CERS3: variants seen among roughly 807,000 people sequenced by gnomAD.
CERS3 encodes the protein ceramide synthase 3, also known as LAG1 homolog, ceramide synthase 3.
In CERS3, 33 loss-of-function variants were observed where a neutral mutation model predicts 50.3. The ratio of observed to expected loss-of-function variants is 0.66; its 90% CI spans 0.50 to 0.88. The LOEUF (loss-of-function observed/expected upper bound fraction) is 0.88, where lower values mean the gene tolerates loss of function less well. Ranked by LOEUF, CERS3 falls within the 40% of genes least tolerant of loss-of-function variation. The probability of loss-of-function intolerance (pLI) is 0.00; values close to 1 mark genes in which losing one functional copy is unlikely to be tolerated. For missense variants in CERS3, 470 were observed against 460.3 expected (o/e 1.02, Z -0.19); for synonymous variants, 176 against 155.2 (o/e 1.13, Z -0.99).
intron 11 of CERS3, 39 bp from the exon 12 acceptor site, chr15:100,402,904 C>A: frequency 6.4e-7 from 1 of 1,551,490 alleles, no homozygotes; most frequent in Non-Finnish European, 8.7e-7. Context: ...TGACAATCTT[C>A]CAGGAAGAGT....
intron 11 of CERS3, among the ~76,000 whole-genome samples, chr15:100,424,458 C>T (rs988194698): frequency 2.0e-5 from 3 of 152,080 alleles, no homozygotes; most frequent in Non-Finnish European, 4.4e-5. Context: ...CCAAAATGCT[C>T]ATAGTGATAG....
At chr15:100,522,363 G>C (rs1254000273) in intron 1 of CERS3, among the ~76,000 whole-genome samples, 1 of 152,162 alleles carries the variant, frequency 6.6e-6, no homozygotes, top group Non-Finnish European at 1.5e-5. Flanking sequence ...ATCTCTGAAG[G>C]TGCAGTCCTG....
rs190656938 is a variant in CERS3 at position 100,506,786 on chromosome 15, G to A, written c.-1-4936C>T. ...TAAAGCAGAAGTGGGGACAGACGAGGGAAAATGAGAAATGGCTTCTGATGG... is the reference window on the plus strand; with the variant it reads ...TAAAGCAGAAGTGGGGACAGACGAGAGAAAATGAGAAATGGCTTCTGATGG... On this transcript the variant is annotated intron_variant, in intron 2 of 11. Transcript: ENST00000679737. Among the ~76,000 whole-genome samples, 13 of 152,254 alleles carry A rather than the reference G, an allele frequency of 8.5e-5. No homozygotes were observed. The East Asian group carries it at 2.5e-3, about 29-fold the overall frequency.
In CERS3 at chr15:100,494,730, A is replaced by G. The variant is rs151212417; in HGVS notation, c.174-3799T>C. Among the ~76,000 whole-genome samples, 478 of 152,336 alleles carry G rather than the reference A, an allele frequency of 3.1e-3. 2 individuals are homozygous for G. Among genetic ancestry groups the G allele is most frequent in the African/African-American group, 0.011 (440 of 41,582 alleles). On this transcript the variant is annotated intron_variant, in intron 3 of 11. Transcript: ENST00000679737. ...GCACACCTTCAACATTTAGCTAGGC[A>G]GTAAGCAACTCTGCCTTAGCCTTCA...
At chr15:100,436,680 G>C (rs535727604) in intron 11 of CERS3, among the ~76,000 whole-genome samples, 1 of 152,100 alleles carries the variant, frequency 6.6e-6, no homozygotes, top group Non-Finnish European at 1.5e-5. Flanking sequence ...TAAGAAAAAT[G>C]TTTTTAATAA....
intron 11 of CERS3, among the ~76,000 whole-genome samples, chr15:100,439,128 G>A (rs2142145516): frequency 6.6e-6 from 1 of 152,236 alleles, no homozygotes. Flanking sequence ...TGCCTGCTAA[G>A]CAGGGTCCAT....
At chr15:100,493,015 T>C (rs1028211698) in intron 3 of CERS3, among the ~76,000 whole-genome samples, 3 of 152,202 alleles carry the variant, frequency 2.0e-5, no homozygotes, top group African/African-American at 7.2e-5. Context: ...ATTACATCTT[T>C]ATAAATTGTG....
At chr15:100,447,949 T>C (rs2034003701) in intron 11 of CERS3, among the ~76,000 whole-genome samples, 1 of 152,312 alleles carries the variant, frequency 6.6e-6, no homozygotes, top group East Asian at 1.9e-4. Flanking sequence ...TCTAAAAGTT[T>C]GAATCAATAG....
At chr15:100,443,569 C>T (rs556334041) in intron 11 of CERS3, among the ~76,000 whole-genome samples, 2 of 149,860 alleles carry the variant, frequency 1.3e-5, no homozygotes, top group African/African-American at 4.9e-5. Flanking sequence ...TTCCTTTGCA[C>T]CCTTCATCCC....
chr15:100,516,669 C>T (rs530097069), intron 2 of CERS3, among the ~76,000 whole-genome samples: 2 of 152,312 alleles, frequency 1.3e-5, no homozygotes, highest in African/African-American at 4.8e-5. Flanking sequence ...GCTTCATAGC[C>T]TCCTCCCCCA....
At chr15:100,497,351 T>G (rs116439195) in intron 3 of CERS3, among the ~76,000 whole-genome samples, 9,926 of 151,538 alleles carry the variant, frequency 0.066, 499 homozygotes, top group East Asian at 0.18. Flanking sequence ...TATATATATA[T>G]ATAGAGAGAA....
At chr15:100,537,011 T>C (rs997724087) in intron 1 of CERS3, among the ~76,000 whole-genome samples, 8 of 152,238 alleles carry the variant, frequency 5.3e-5, no homozygotes, top group African/African-American at 1.9e-4. Flanking sequence ...ATGTCCCTGA[T>C]CTTAAGGAGA....
At chr15:100,409,099 A>T (rs1532764) in intron 11 of CERS3, among the ~76,000 whole-genome samples, 87,286 of 151,892 alleles carry the variant, frequency 0.57, 25,299 homozygotes, top group Non-Finnish European at 0.6. Flanking sequence ...CCAGGTCTAT[A>T]TGAGGTTGGC....
chr15:100,501,892 C>T (rs747423736), intron 2 of CERS3, 42 bp from the exon 3 acceptor site: 17 of 1,594,622 alleles, frequency 1.1e-5, no homozygotes, highest in South Asian at 6.7e-5. Flanking sequence ...AAAACAAACA[C>T]GTAACTTTAG....
chr15:100,499,797 T>C (rs558122583), intron 3 of CERS3, among the ~76,000 whole-genome samples: 1 of 152,346 alleles, frequency 6.6e-6, no homozygotes, highest in South Asian at 2.1e-4. Flanking sequence ...TTGTGTACTC[T>C]CTTCTGCCAT....
At chr15:100,470,043 T>C (rs2034913846) in intron 9 of CERS3, among the ~76,000 whole-genome samples, 1 of 152,206 alleles carries the variant, frequency 6.6e-6, no homozygotes, top group Non-Finnish European at 1.5e-5. Context: ...TATGCTAGTC[T>C]ATACTGCTCA....
chr15:100,474,474 G>A (rs956167285), intron 8 of CERS3, among the ~76,000 whole-genome samples: 1 of 151,294 alleles, frequency 6.6e-6, no homozygotes, highest in Non-Finnish European at 1.5e-5. Flanking sequence ...GTGCGATCTT[G>A]GCTCACTGCA....
chr15:100,499,164 AT>A (rs1301861180), intron 3 of CERS3, among the ~76,000 whole-genome samples: 1 of 152,066 alleles, frequency 6.6e-6, no homozygotes, highest in Admixed American at 6.6e-5. Context: ...TGTCCTTCTG[AT>A]TTTACCACCT....
intron 11 of CERS3, among the ~76,000 whole-genome samples, chr15:100,446,872 C>T (rs1198065697): frequency 6.6e-6 from 1 of 152,136 alleles, no homozygotes; most frequent in Non-Finnish European, 1.5e-5. Flanking sequence ...CCTTTGGAAT[C>T]CAGGCACAGC....
Sources: gnomAD v4.1 joint callset for allele counts (sites outside exome capture counted in the v4.1 genomes callset) on GRCh38, gnomAD v4.1.1 for gene constraint, MANE v1.5 for transcripts, NCBI Gene and HGNC (gene_info 2026-07-23, HGNC 2026-07-21) for gene names.